LHFPL3: variants seen among roughly 807,000 people sequenced by gnomAD.
LHFPL3 encodes the protein LHFPL tetraspan subfamily member 3 protein.
In LHFPL3, 5 loss-of-function variants were observed where a neutral mutation model predicts 19.3. The ratio of observed to expected loss-of-function variants is 0.26; its 90% CI spans 0.14 to 0.54. The LOEUF (loss-of-function observed/expected upper bound fraction) is 0.54. Among genes scored for constraint, LHFPL3 ranks in the 20% least tolerant of loss-of-function variants. The pLI, the probability that LHFPL3 is intolerant of heterozygous loss-of-function variation, is 0.94. For synonymous variants in LHFPL3, 133 were observed against 126.2 expected, an observed-to-expected ratio of 1.05 and a Z score of -0.36; for missense variants, 249 against 307.4, an observed-to-expected ratio of 0.81 and a Z score of 1.42.
intron 2 of LHFPL3, among the ~76,000 whole-genome samples, chr7:104,836,167 A>G (rs1204927268): frequency 6.6e-6 from 1 of 152,176 alleles, no homozygotes; most frequent in Non-Finnish European, 1.5e-5. Flanking sequence ...CAATGATCCT[A>G]AGATGGGAAG....
At position 104,531,455 on chromosome 7, in the gene LHFPL3, T is replaced by C. The variant is rs75266385; in HGVS notation, c.445+202231T>C. ...CCACTCAGGATCCTAACTAACTTTC[T>C]GGCATGGTGTTTACATGATTATGCC... On this transcript the variant is annotated intron_variant, in intron 1 of 2. Transcript: ENST00000424859. Among the ~76,000 whole-genome samples the C allele has an allele frequency of 2.0e-4, 30 of 152,330 alleles. No individual in the cohort carries two copies. The East Asian group carries it at 4.8e-3, about 24-fold the overall frequency.
intron 1 of LHFPL3, among the ~76,000 whole-genome samples, chr7:104,429,682 A>C (rs530530408): frequency 1.3e-5 from 2 of 152,192 alleles, no homozygotes; most frequent in Admixed American, 1.3e-4. Flanking sequence ...AGGCTATAGC[A>C]GTGCAACTCA....
chr7:104,900,071 C>G (rs1276907936), intron 2 of LHFPL3, among the ~76,000 whole-genome samples: 1 of 152,180 alleles, frequency 6.6e-6, no homozygotes, highest in African/African-American at 2.4e-5. Flanking sequence ...CACTAAGAGT[C>G]AAGGATGCTA....
chr7:104,420,549 G>A (rs1488116866), intron 1 of LHFPL3, among the ~76,000 whole-genome samples: 1 of 141,428 alleles, frequency 7.1e-6, no homozygotes, highest in Non-Finnish European at 1.5e-5. Context: ...CCTCCCAAAG[G>A]GTGAATTTTT....
At chr7:104,345,954 T>C (rs1172873765) in intron 1 of LHFPL3, among the ~76,000 whole-genome samples, 1 of 152,206 alleles carries the variant, frequency 6.6e-6, no homozygotes, top group Non-Finnish European at 1.5e-5. Context: ...ATTGTTGCTT[T>C]GTCTTTTTTC....
chr7:104,628,490 T>A (rs1474905123), intron 1 of LHFPL3, among the ~76,000 whole-genome samples: 4 of 152,176 alleles, frequency 2.6e-5, no homozygotes, highest in Non-Finnish European at 4.4e-5. Context: ...GTACTAAGAA[T>A]CTTTCTATAT....
chr7:104,435,061 A>G (rs1792076550), intron 1 of LHFPL3, among the ~76,000 whole-genome samples: 3 of 152,166 alleles, frequency 2.0e-5, no homozygotes, highest in Admixed American at 1.3e-4. Context: ...GGGTGTCACA[A>G]TGACATTAAA....
intron 1 of LHFPL3, among the ~76,000 whole-genome samples, chr7:104,646,055 C>T (rs1791928174): frequency 6.6e-6 from 1 of 152,130 alleles, no homozygotes; most frequent in African/African-American, 2.4e-5. Context: ...AGGCTTCACC[C>T]TCAGGCAGGA....
At chr7:104,636,852 G>A (rs182126182) in intron 1 of LHFPL3, among the ~76,000 whole-genome samples, 56 of 152,282 alleles carry the variant, frequency 3.7e-4, no homozygotes, top group African/African-American at 1.3e-3. Context: ...ACATACACAT[G>A]TGTGTGTCTT....
intron 1 of LHFPL3, among the ~76,000 whole-genome samples, chr7:104,728,310 C>T (rs938943851): frequency 6.6e-6 from 1 of 152,120 alleles, no homozygotes; most frequent in African/African-American, 2.4e-5. Flanking sequence ...TAGCAACCCT[C>T]TTGCTAGCTT....
At chr7:104,866,044 T>C (rs1051018561) in intron 2 of LHFPL3, among the ~76,000 whole-genome samples, 1 of 152,134 alleles carries the variant, frequency 6.6e-6, no homozygotes, top group Non-Finnish European at 1.5e-5. Context: ...TTGTCACCAC[T>C]AGGCCTGCCC....
intron 2 of LHFPL3, among the ~76,000 whole-genome samples, chr7:104,837,005 A>C (rs1791111067): frequency 6.6e-6 from 1 of 152,160 alleles, no homozygotes; most frequent in African/African-American, 2.4e-5. Flanking sequence ...GGTGATGAAG[A>C]TCTCCGTTCC....
rs192653200 is a variant in LHFPL3 at position 104,595,588 on chromosome 7, T to C, written c.446-141087T>C. Among the ~76,000 whole-genome samples the C allele has an allele frequency of 3.3e-5, 5 of 152,372 alleles. No individual in the cohort carries two copies. In the East Asian group the frequency reaches 7.7e-4, roughly 24 times the overall value. The stretch of plus-strand genomic sequence containing the variant: ...CACAGTGCTGGGAGAACCACTGCTC[T>C]CTTCAGAGCTGTCAGACAGGGATGT... On this transcript the variant is annotated intron_variant, in intron 1 of 2. Transcript: ENST00000424859.
At chr7:104,753,068 A>G (rs377434193) in intron 2 of LHFPL3, among the ~76,000 whole-genome samples, 37 of 152,358 alleles carry the variant, frequency 2.4e-4, no homozygotes, top group African/African-American at 8.9e-4. Flanking sequence ...AGTAAATGCA[A>G]TGCAATTAAT....
chr7:104,511,088 A>G (rs537006332), intron 1 of LHFPL3, among the ~76,000 whole-genome samples: 2 of 152,174 alleles, frequency 1.3e-5, no homozygotes, highest in Non-Finnish European at 2.9e-5. Context: ...AAGGACTAGT[A>G]TCTAGAATAT....
intron 1 of LHFPL3, among the ~76,000 whole-genome samples, chr7:104,654,202 A>C (rs534629436): frequency 1.3e-5 from 2 of 152,186 alleles, no homozygotes; most frequent in African/African-American, 4.8e-5. Flanking sequence ...CAGATGTGAT[A>C]TCTGTCCATG....
intron 1 of LHFPL3, among the ~76,000 whole-genome samples, chr7:104,706,074 T>G (rs1793185969): frequency 6.6e-6 from 1 of 152,184 alleles, no homozygotes; most frequent in African/African-American, 2.4e-5. Context: ...AGAGGAGGAA[T>G]GTGAAGAAAT....
intron 1 of LHFPL3, among the ~76,000 whole-genome samples, chr7:104,732,498 T>C (rs1793723849): frequency 6.6e-5 from 10 of 152,226 alleles, no homozygotes; most frequent in Admixed American, 6.5e-4. Flanking sequence ...CTAGATTTTC[T>C]AGTTTGTTTT....
chr7:104,458,602 CT>C (rs1370464016), intron 1 of LHFPL3, among the ~76,000 whole-genome samples: 1 of 151,694 alleles, frequency 6.6e-6, no homozygotes, highest in Admixed American at 6.6e-5. Flanking sequence ...GATGCGGGCT[CT>C]TTTTTGGTTC....
Sources: allele counts gnomAD v4.1 joint callset (sites outside exome capture counted in the v4.1 genomes callset), GRCh38; gene constraint gnomAD v4.1.1; transcripts MANE v1.5; gene names NCBI Gene and HGNC (gene_info 2026-07-23, HGNC 2026-07-21).